Variants in GPA33 observed in about 807,000 individuals in gnomAD.
GPA33 encodes glycoprotein A33, also known as cell surface A33 antigen.
In GPA33, 27 loss-of-function variants were observed where a neutral mutation model predicts 35.6. The ratio of observed to expected loss-of-function variants is 0.76; its 90% CI spans 0.56 to 1.04. The LOEUF (loss-of-function observed/expected upper bound fraction) is 1.04. GPA33 is among the 50% of genes least tolerant of loss of function. The probability of loss-of-function intolerance (pLI) is 0.00; values close to 1 mark genes in which losing one functional copy is unlikely to be tolerated. For missense variants in GPA33, 428 were observed against 411.9 expected, an observed-to-expected ratio of 1.04 and a Z score of -0.34; for synonymous variants, 176 against 164.0, an observed-to-expected ratio of 1.07 and a Z score of -0.56.
intron 1 of GPA33, among the ~76,000 whole-genome samples, chr1:167,086,061 C>T (rs1024940115): frequency 5.3e-5 from 8 of 152,184 alleles, no homozygotes; most frequent in African/African-American, 1.4e-4. Context: ...CTTCTTAGAC[C>T]GACCATTCAT....
chr1:167,062,772 C>G (rs1042093183), intron 4 of GPA33, among the ~76,000 whole-genome samples: 4 of 148,016 alleles, frequency 2.7e-5, no homozygotes, highest in East Asian at 2.1e-4. Flanking sequence ...AGGTGGGACC[C>G]TTACAGCAAC....
intron 1 of GPA33, among the ~76,000 whole-genome samples, chr1:167,089,694 A>G (rs1204619156): frequency 2.6e-5 from 4 of 152,180 alleles, no homozygotes; most frequent in Non-Finnish European, 4.4e-5. Context: ...AGAATTTTCA[A>G]TGACCAGGGT....
intron 1 of GPA33, among the ~76,000 whole-genome samples, chr1:167,086,890 A>AGTGTGT (rs3051362): frequency 6.6e-6 from 1 of 151,358 alleles, no homozygotes; most frequent in Admixed American, 6.6e-5. Context: ...TGTGTAAGTA[A>AGTGTGT]GTGTGTGTGT....
Position 167,064,155 on chromosome 1 carries a change from C to A in GPA33, c.416-418G>T, listed in dbSNP as rs4657628. ...AAAAATTAGCCGGCCGTGGTGGCACCCACCTATAATCCCAGTTACTCAGGA... is the reference window on the plus strand; with the variant it reads ...AAAAATTAGCCGGCCGTGGTGGCACACACCTATAATCCCAGTTACTCAGGA... On this transcript the variant is annotated intron_variant, in intron 3 of 6. Coordinates refer to ENST00000367868, the MANE Select transcript of GPA33 (RefSeq NM_005814.3). Among the ~76,000 whole-genome samples the A allele has an allele frequency of 1.9e-3, 290 of 152,054 alleles. 1 individual carries two copies. The highest frequency in any genetic ancestry group is 0.017 in the Admixed American group (253 of 15,282).
At chr1:167,080,074 G>A (rs529726557) in intron 1 of GPA33, among the ~76,000 whole-genome samples, 101 of 152,188 alleles carry the variant, frequency 6.6e-4, no homozygotes, top group African/African-American at 2.3e-3. Flanking sequence ...TGAATATCAG[G>A]TCTCCAGTTG....
intron 4 of GPA33, among the ~76,000 whole-genome samples, chr1:167,056,623 AGT>A (rs1666271167): frequency 2.5e-3 from 5 of 2,016 alleles, no homozygotes; most frequent in South Asian, 0.045. Flanking sequence ...GTGTGTGGTG[AGT>A]GTGTGATGTG....
chr1:167,082,206 G>A (rs1308246808), intron 1 of GPA33: 1 of 454,524 alleles, frequency 2.2e-6, no homozygotes, highest in South Asian at 1.6e-5. Context: ...AATATTTCTA[G>A]AAGAAAATAC....
rs1445546415 is a variant in GPA33, at chr1:167,055,083, G to A, written c.720C>T (p.Gly240=). The change falls in exon 6 of 7, where the codon GGC becomes GGT. Residue 240 remains glycine, a synonymous_variant. Transcript: ENST00000367868. ...SPSMNVALYV[G]IAVGVVAALI... ...GGGCTGCAACCACGCCCACCGCGAT[G>A]CCCACATACAGGGCCACGTTCATGG... 1 of 1,613,512 alleles carries A rather than the reference G, an allele frequency of 6.2e-7. No homozygotes were observed. The highest frequency in any genetic ancestry group is 8.5e-7 in the Non-Finnish European group (1 of 1,179,992).
intron 2 of GPA33, among the ~76,000 whole-genome samples, chr1:167,069,510 G>A (rs559995979): frequency 4.5e-4 from 68 of 152,214 alleles, no homozygotes; most frequent in African/African-American, 1.6e-3. Context: ...AGTATTTACT[G>A]AGCACCTTCC....
intron 2 of GPA33, among the ~76,000 whole-genome samples, chr1:167,069,779 C>A (rs1291843819): frequency 1.3e-5 from 2 of 152,182 alleles, no homozygotes; most frequent in African/African-American, 2.4e-5. Context: ...GAGATGATGA[C>A]AATAACACCT....
Position 167,078,872 on chromosome 1 carries a change from A to G in GPA33, c.44-5333T>C, listed in dbSNP as rs369193000. 4.6e-5 allele frequency among the ~76,000 whole-genome samples: 7 copies of G among 152,358 alleles called. No individual in the cohort carries two copies. In the East Asian group the frequency reaches 9.6e-4, roughly 21 times the overall value. ...ACGGGCCGTGTGAGAATTAAGTGAC[A>G]TGAAATGGGTACTTTGTTTAGAATA... On this transcript the variant is annotated intron_variant, in intron 1 of 6. Coordinates refer to ENST00000367868, the MANE Select transcript of GPA33 (RefSeq NM_005814.3).
chr1:167,057,326 C>T (rs1380912741), intron 4 of GPA33, among the ~76,000 whole-genome samples: 1 of 152,060 alleles, frequency 6.6e-6, no homozygotes, highest in Non-Finnish European at 1.5e-5. Flanking sequence ...TATGTCCTGC[C>T]ATCCAAGATG....
chr1:167,055,763 G>T lies in GPA33; in HGVS notation c.658C>A (p.Gln220Lys). The change falls in exon 5 of 7, where the codon CAG (glutamine) becomes AAG (lysine). Residue 220 changes from glutamine (Q) to lysine (K), a missense_variant. Coordinates refer to ENST00000367868, the MANE Select transcript of GPA33 (RefSeq NM_005814.3). ...ACGGCCACCGTGATGTTGCAGAACT[G>T]CGTCCCCTCCTCATTGCTGGAGGTA... is the stretch of plus-strand genomic sequence containing the variant. ...ICTSSNEEGTQFCNITVAVRS... is the reference protein window; with the variant it reads ...ICTSSNEEGTKFCNITVAVRS... 1 of 1,614,052 alleles carries T rather than the reference G, an allele frequency of 6.2e-7. No individual in the cohort carries two copies. Among genetic ancestry groups the T allele is most frequent in the African/African-American group, 1.3e-5 (1 of 75,048 alleles).
chr1:167,073,387 T>C lies in GPA33; in HGVS notation c.196A>G (p.Thr66Ala). The change falls in exon 2 of 7, where the codon ACG becomes GCG. Residue 66 changes from threonine (T) to alanine (A), a missense_variant and splice_region_variant. Transcript: ENST00000367868. Reference sequence around the variant, plus strand: ...CTGAACTTGTAAAGTATCCTTACCGTATGAGTGAGGAGGAGCTTATCCCAT... The same window carrying C: ...CTGAACTTGTAAAGTATCCTTACCGCATGAGTGAGGAGGAGCTTATCCCAT... ...IQWDKLLLTH[T>A]ERVVIWPFSN... is the part of the protein sequence containing the mutation. 2 of 1,613,042 alleles carry C rather than the reference T, an allele frequency of 1.2e-6. No individual in the cohort carries two copies. Among genetic ancestry groups the C allele is most frequent in the South Asian group, 1.1e-5 (1 of 91,042 alleles).
At position 167,076,779 on chromosome 1, in the gene GPA33, G is replaced by A. The variant is rs148426997; in HGVS notation, c.44-3240C>T. ...CCTCATGGTGATGCCAGTGCCAGAA[G>A]CCCCTGAAAATTTGTTCAAATGTTG... On this transcript the variant is annotated intron_variant, in intron 1 of 6. Transcript: ENST00000367868. Among the ~76,000 whole-genome samples, 11 of 152,284 alleles carry A rather than the reference G, an allele frequency of 7.2e-5. No individual in the cohort carries two copies. The East Asian group carries it at 1.7e-3, about 24-fold the overall frequency.
chr1:167,067,721 G>A (rs1324328045), intron 3 of GPA33, among the ~76,000 whole-genome samples: 1 of 152,226 alleles, frequency 6.6e-6, no homozygotes, highest in Non-Finnish European at 1.5e-5. Context: ...ACCTCCGTGT[G>A]ATGGAATGTA....
In GPA33 at chr1:167,054,178, A is replaced by G. The variant is rs1666177714; in HGVS notation, c.*156T>C. 3.1e-6 allele frequency: 3 copies of G among 969,900 alleles called. No individual in the cohort carries two copies. Among genetic ancestry groups the G allele is most frequent in the Non-Finnish European group, 4.6e-6 (3 of 653,524 alleles). The allele number at this position is 969,900 out of a possible 1,614,324, so 60.1% of individuals were successfully genotyped here. On this transcript the variant is annotated 3_prime_UTR_variant, in exon 7 of 7. Transcript: ENST00000367868. ...AGCACAGGGACCCCCTTACCAGGCC[A>G]GCCATGTTCCCCACAGCTGACACTG... is the stretch of plus-strand genomic sequence containing the variant.
Position 167,054,239 on chromosome 1 carries a change from G to A in GPA33, c.*95C>T, listed in dbSNP as rs1666180042. On this transcript the variant is annotated 3_prime_UTR_variant, in exon 7 of 7. Transcript: ENST00000367868. The stretch of plus-strand genomic sequence containing the variant: ...GTCCCCATCAATGTCTGGGATGGAG[G>A]GACAGGAGAACAGGGCTTAGAAAGG... The A allele has an allele frequency of 2.7e-6, 4 of 1,464,542 alleles. No individual in the cohort carries two copies. The highest frequency in any genetic ancestry group is 3.7e-6 in the Non-Finnish European group (4 of 1,066,940). The allele number at this position is 1,464,542 out of a possible 1,614,324, so 90.7% of individuals were successfully genotyped here.
intron 3 of GPA33, 126 bp from the exon 4 acceptor site, chr1:167,063,863 T>A: frequency 1.6e-6 from 1 of 615,400 alleles, no homozygotes; most frequent in Non-Finnish European, 2.7e-6. Context: ...GAAAACTCCA[T>A]AGTTGAGTAG....
Sources: allele counts gnomAD v4.1 joint callset (sites outside exome capture counted in the v4.1 genomes callset), GRCh38; gene constraint gnomAD v4.1.1; transcripts MANE v1.5; gene names NCBI Gene and HGNC (gene_info 2026-07-23, HGNC 2026-07-21).